Variants in PRDM5 observed in about 807,000 individuals in gnomAD.
The protein encoded by PRDM5 is PR/SET domain 5, also known as PR domain zinc finger protein 5.
In PRDM5, 56 loss-of-function variants were observed where a neutral mutation model predicts 81.2. The ratio of observed to expected loss-of-function variants is 0.69; its 90% CI spans 0.56 to 0.86. The LOEUF is 0.86. Ranked by LOEUF, PRDM5 falls within the 40% of genes least tolerant of loss-of-function variation. The pLI is 0.00. For synonymous variants in PRDM5, 267 were observed against 256.4 expected, an observed-to-expected ratio of 1.04 and a Z score of -0.39; for missense variants, 697 against 770.1, an observed-to-expected ratio of 0.91 and a Z score of 1.12.
chr4:120,704,417 G>A (rs1735815016), intron 15 of PRDM5, among the ~76,000 whole-genome samples: 2 of 152,060 alleles, frequency 1.3e-5, no homozygotes, highest in South Asian at 2.1e-4. Context: ...TCTGTGATTC[G>A]TATCCAAACT....
chr4:120,737,727 T>C (rs1269507549), intron 14 of PRDM5, among the ~76,000 whole-genome samples: 1 of 152,224 alleles, frequency 6.6e-6, no homozygotes, highest in Non-Finnish European at 1.5e-5. Context: ...TATGAGTGAC[T>C]CCCAGCTCCA....
chr4:120,717,024 CA>C (rs1169609917), intron 14 of PRDM5, among the ~76,000 whole-genome samples: 1 of 148,836 alleles, frequency 6.7e-6, no homozygotes, highest in East Asian at 2.0e-4. Flanking sequence ...ATTGGAGAGG[CA>C]CTGACTTCTG....
At chr4:120,727,450 GT>G (rs1250236271) in intron 14 of PRDM5, among the ~76,000 whole-genome samples, 4 of 152,114 alleles carry the variant, frequency 2.6e-5, no homozygotes, top group Non-Finnish European at 5.9e-5. Context: ...GATGTGCTGA[GT>G]TTTTGGATTA....
intron 3 of PRDM5, among the ~76,000 whole-genome samples, chr4:120,843,718 T>G (rs1375384966): frequency 1.4e-5 from 2 of 142,630 alleles, no homozygotes; most frequent in Non-Finnish European, 1.5e-5. Context: ...GAAAAGAAAA[T>G]AAAGAAAGAA....
intron 14 of PRDM5, among the ~76,000 whole-genome samples, chr4:120,730,087 G>A (rs543955279): frequency 6.6e-6 from 1 of 152,336 alleles, no homozygotes; most frequent in East Asian, 1.9e-4. Flanking sequence ...ATCTAGGAAT[G>A]AAGAATACGG....
chr4:120,898,503 AC>A (rs1764901636), intron 2 of PRDM5, among the ~76,000 whole-genome samples: 1 of 152,178 alleles, frequency 6.6e-6, no homozygotes, highest in Non-Finnish European at 1.5e-5. Context: ...TCTTGCCTAT[AC>A]ACAGAATCAG....
chr4:120,718,926 T>C (rs530903507), intron 14 of PRDM5, among the ~76,000 whole-genome samples: 1 of 152,302 alleles, frequency 6.6e-6, no homozygotes, highest in East Asian at 1.9e-4. Context: ...TTCTGCAAAA[T>C]GTCTCACTAA....
At chr4:120,830,445 T>G (rs1006689654) in intron 3 of PRDM5, among the ~76,000 whole-genome samples, 1 of 152,042 alleles carries the variant, frequency 6.6e-6, no homozygotes, top group Non-Finnish European at 1.5e-5. Flanking sequence ...GTGGACAGAG[T>G]CATAGCCTCT....
At chr4:120,852,521 G>A (rs907521805) in intron 3 of PRDM5, among the ~76,000 whole-genome samples, 62 of 152,118 alleles carry the variant, frequency 4.1e-4, no homozygotes, top group Middle Eastern at 3.4e-3. Context: ...TGCCTGATGG[G>A]TTTCCAAGTG....
At chr4:120,691,431 G>T (rs1422526115), downstream of PRDM5, among the ~76,000 whole-genome samples, 1 of 152,052 alleles carries the variant, frequency 6.6e-6, no homozygotes, top group East Asian at 1.9e-4. Context: ...CTACTCAGAT[G>T]ATTATTTTTT....
chr4:120,713,941 C>G (rs1737377370), intron 14 of PRDM5, among the ~76,000 whole-genome samples: 1 of 152,128 alleles, frequency 6.6e-6, no homozygotes, highest in Non-Finnish European at 1.5e-5. Flanking sequence ...GTACTCTGGT[C>G]TCTTCAGTTC....
At chr4:120,875,496 T>C (rs1762253292) in intron 2 of PRDM5, among the ~76,000 whole-genome samples, 1 of 152,216 alleles carries the variant, frequency 6.6e-6, no homozygotes, top group Non-Finnish European at 1.5e-5. Flanking sequence ...AGTTCATTTA[T>C]GCCCTGGAAG....
chr4:120,811,799 A>G (rs1021161914), intron 7 of PRDM5, among the ~76,000 whole-genome samples: 1 of 152,068 alleles, frequency 6.6e-6, no homozygotes, highest in Non-Finnish European at 1.5e-5. Flanking sequence ...TGATGTTTCA[A>G]TATAGGCATG....
At chr4:120,910,374 A>G (rs1392565200) in intron 1 of PRDM5, among the ~76,000 whole-genome samples, 1 of 152,206 alleles carries the variant, frequency 6.6e-6, no homozygotes, top group Non-Finnish European at 1.5e-5. Flanking sequence ...GCTTTAGATG[A>G]AGATTTTATA....
intron 3 of PRDM5, among the ~76,000 whole-genome samples, chr4:120,841,948 T>C (rs1417930476): frequency 1.3e-5 from 2 of 152,254 alleles, no homozygotes; most frequent in African/African-American, 4.8e-5. Flanking sequence ...TCTCAAATAC[T>C]AATCTTTCAT....
intron 14 of PRDM5, among the ~76,000 whole-genome samples, chr4:120,728,879 TAAAG>T (rs1224788309): frequency 2.0e-5 from 3 of 152,280 alleles, no homozygotes; most frequent in African/African-American, 7.2e-5. Context: ...AAATGTGTGA[TAAAG>T]AAATGTAATT....
intron 10 of PRDM5, among the ~76,000 whole-genome samples, chr4:120,797,978 T>G (rs1751563096): frequency 6.6e-6 from 1 of 152,006 alleles, no homozygotes; most frequent in Non-Finnish European, 1.5e-5. Context: ...AACATCAAAG[T>G]TTATGGAAAG....
chr4:120,743,362 C>T lies in PRDM5; in HGVS notation c.1623+11191G>A, dbSNP rs200637638. On this transcript the variant is annotated intron_variant, in intron 14 of 15. Coordinates refer to ENST00000264808, the MANE Select transcript of PRDM5 (RefSeq NM_018699.4). Reference sequence around the variant, plus strand: ...AAAGACCATTGAGACTAGGAAGAAACTGCATCAACTAACGAGCAAAATAAC... The same window carrying T: ...AAAGACCATTGAGACTAGGAAGAAATTGCATCAACTAACGAGCAAAATAAC... Among the ~76,000 whole-genome samples, 47 of 151,828 alleles carry T rather than the reference C, an allele frequency of 3.1e-4. No homozygotes were observed. The East Asian group carries it at 5.6e-3, about 18-fold the overall frequency.
chr4:120,887,836 A>T lies in PRDM5; in HGVS notation c.177+19638T>A. 2.2e-5 allele frequency among the ~76,000 whole-genome samples: 2 copies of T among 91,404 alleles called. 1 individual carries two copies. 60.0% of individuals were successfully genotyped at this position (91,404 alleles called of 152,430 possible). ...GAGACGGAGTCTCGCTCTGTCGCCC[A>T]GGCTGGAGTGCAGTGGCGCAATCTC... On this transcript the variant is annotated intron_variant, in intron 2 of 15. Transcript: ENST00000264808.
Sources: gnomAD v4.1 joint callset for allele counts (sites outside exome capture counted in the v4.1 genomes callset) on GRCh38, gnomAD v4.1.1 for gene constraint, MANE v1.5 for transcripts, NCBI Gene and HGNC (gene_info 2026-07-23, HGNC 2026-07-21) for gene names.